PTPRC: variants seen among roughly 807,000 people sequenced by gnomAD.
The protein encoded by PTPRC is receptor-type tyrosine-protein phosphatase C.
PTPRC carries 44 observed loss-of-function variants against 155.9 expected under a neutral mutation model. The observed-to-expected ratio is 0.28, with a 90% confidence interval of 0.22 to 0.36. The LOEUF is 0.36. Ranked by LOEUF, PTPRC falls within the 10% of genes least tolerant of loss-of-function variation. The probability of loss-of-function intolerance (pLI) is 1.00; values close to 1 mark genes in which losing one functional copy is unlikely to be tolerated. For missense variants in PTPRC, 1,401 were observed against 1,564.6 expected, an observed-to-expected ratio of 0.90 and a Z score of 1.76; for synonymous variants, 525 against 533.1, an observed-to-expected ratio of 0.98 and a Z score of 0.21.
In PTPRC at chr1:198,684,970, A is replaced by G. The variant is rs140786096; in HGVS notation, c.74-7377A>G. Among the ~76,000 whole-genome samples the G allele has an allele frequency of 2.6e-5, 4 of 152,144 alleles. No individual in the cohort carries two copies. The East Asian group carries it at 7.7e-4, about 29-fold the overall frequency. ...AAAGGGATGTTGAAATTCTTTGGAC[A>G]TTGGTGGAGCTCATAAATTCATGTG... On this transcript the variant is annotated intron_variant, in intron 2 of 32. Transcript: ENST00000442510.
intron 20 of PTPRC, 96 bp downstream of exon 20, chr1:198,732,652 G>C: frequency 1.0e-6 from 1 of 1,004,200 alleles, no homozygotes; most frequent in Non-Finnish European, 1.5e-6. Context: ...AAAATATTTT[G>C]AAGTGAGCCC....
intron 2 of PTPRC, among the ~76,000 whole-genome samples, chr1:198,648,896 T>C (rs1663084385): frequency 6.6e-6 from 1 of 151,796 alleles, no homozygotes; most frequent in Non-Finnish European, 1.5e-5. Flanking sequence ...AAACATTAAA[T>C]AATTCACCAA....
At chr1:198,727,094 C>T (rs1654173408) in intron 15 of PTPRC, among the ~76,000 whole-genome samples, 2 of 152,052 alleles carry the variant, frequency 1.3e-5, no homozygotes, top group African/African-American at 4.8e-5. Context: ...CTCCTGGCCT[C>T]AAGTGATCCA....
intron 2 of PTPRC, among the ~76,000 whole-genome samples, chr1:198,682,577 T>C (rs1289434299): frequency 6.6e-6 from 1 of 152,228 alleles, no homozygotes; most frequent in East Asian, 1.9e-4. Flanking sequence ...GTTTATTTTC[T>C]ATGGGGAGCT....
At position 198,734,383 on chromosome 1, in the gene PTPRC, C is replaced by T. The variant is rs1440515038; in HGVS notation, c.2235C>T (p.Ala745=). ...GGAGGATGATTTGGGAACAGAAAGC[C>T]ACAGTTATTGTCATGGTCACTCGAT... ...DFWRMIWEQK[A]TVIVMVTRCE... The change falls in exon 22 of 33, where the codon GCC becomes GCT. Residue 745 remains alanine, a synonymous_variant. Coordinates refer to ENST00000442510, the MANE Select transcript of PTPRC (RefSeq NM_002838.5). The T allele has an allele frequency of 6.2e-7, 1 of 1,610,932 alleles. No individual in the cohort carries two copies. The highest frequency in any genetic ancestry group is 1.3e-5 in the African/African-American group (1 of 74,624).
At chr1:198,716,901 T>A in intron 13 of PTPRC, 61 bp downstream of exon 13, 1 of 1,475,420 alleles carries the variant, frequency 6.8e-7, no homozygotes, top group Middle Eastern at 2.2e-4. Flanking sequence ...ATGAACTTTT[T>A]AGCCTACAAT....
At chr1:198,754,439 G>A (rs766014669) in intron 32 of PTPRC, 35 bp downstream of exon 32, 20 of 1,610,660 alleles carry the variant, frequency 1.2e-5, no homozygotes, top group Non-Finnish European at 1.4e-5. Context: ...TAACATGCTC[G>A]GAATTTTTTT....
chr1:198,699,129 GGTAGAT>G, intron 4 of PTPRC, among the ~76,000 whole-genome samples: 1 of 152,110 alleles, frequency 6.6e-6, no homozygotes. Flanking sequence ...CTGTATATTA[GGTAGAT>G]GTCTGTCACA....
At chr1:198,661,331 AAATC>A (rs1663949885) in intron 2 of PTPRC, among the ~76,000 whole-genome samples, 1 of 149,830 alleles carries the variant, frequency 6.7e-6, no homozygotes, top group Non-Finnish European at 1.5e-5. Flanking sequence ...AAATAATAAT[AAATC>A]AATATATTAA....
chr1:198,741,856 A>G lies in PTPRC; in HGVS notation c.2404-13A>G, dbSNP rs781530913. 269 of 1,609,722 alleles carry G rather than the reference A, an allele frequency of 1.7e-4. 1 individual carries two copies. Among genetic ancestry groups the G allele is most frequent in the Non-Finnish European group, 2.1e-4 (252 of 1,177,580 alleles). ...AAAAAATCATCTCAAAGAAAATATTATCTCTTGACTAGAAAAAAGAAAAAG... is the reference window on the plus strand; with the variant it reads ...AAAAAATCATCTCAAAGAAAATATTGTCTCTTGACTAGAAAAAAGAAAAAG... On this transcript the variant is annotated splice_polypyrimidine_tract_variant and intron_variant, in intron 23 of 32. Coordinates refer to ENST00000442510, the MANE Select transcript of PTPRC (RefSeq NM_002838.5).
At chr1:198,665,931 A>G (rs1462601105) in intron 2 of PTPRC, among the ~76,000 whole-genome samples, 1 of 152,280 alleles carries the variant, frequency 6.6e-6, no homozygotes, top group South Asian at 2.1e-4. Flanking sequence ...GTATATCTTT[A>G]CCAGCAAAGG....
chr1:198,695,159 G>A (rs1033840889), intron 3 of PTPRC: 3 of 886,854 alleles, frequency 3.4e-6, no homozygotes, highest in African/African-American at 3.6e-5. Context: ...AATAAAGCTG[G>A]GTTTTTTATT....
chr1:198,662,988 G>T (rs1256026459), intron 2 of PTPRC, among the ~76,000 whole-genome samples: 2 of 152,178 alleles, frequency 1.3e-5, no homozygotes, highest in Non-Finnish European at 2.9e-5. Flanking sequence ...AATTACGCCT[G>T]ACCCCTGGCC....
At position 198,699,691 on chromosome 1, in the gene PTPRC, C is replaced by G; in HGVS notation, c.426C>G (p.Ser142Arg). 1.2e-6 allele frequency: 2 copies of G among 1,614,200 alleles called. No homozygotes were observed. Among genetic ancestry groups the G allele is most frequent in the Non-Finnish European group, 1.7e-6 (2 of 1,180,038 alleles). ...ANAKLNPTPG[S>R]NAISDVPGER... ...CAAAACTCAACCCTACCCCAGGCAG[C>G]AATGCTATCTCAGGTTTGCGGGTCC... is the stretch of plus-strand genomic sequence containing the variant. Residue 142 changes from serine to arginine, a missense_variant, in exon 5 of 33, where the codon AGC (serine) becomes AGG (arginine). Physicochemically the swap from Ser to Arg is moderately radical, Grantham distance 110. This residue lies in a region of PTPRC where 867 missense variants were observed against 970.4 expected (regional missense o/e 0.89). Transcript: ENST00000442510.
intron 4 of PTPRC, among the ~76,000 whole-genome samples, chr1:198,698,813 A>C (rs2102390868): frequency 6.6e-6 from 1 of 152,182 alleles, no homozygotes; most frequent in South Asian, 2.1e-4. Context: ...AAGTATATAA[A>C]ATGTATACTT....
At chr1:198,693,400 A>C (rs1666032429) in intron 3 of PTPRC, among the ~76,000 whole-genome samples, 1 of 152,224 alleles carries the variant, frequency 6.6e-6, no homozygotes, top group Non-Finnish European at 1.5e-5. Context: ...CTCAAATGCA[A>C]CTTAGTATCT....
intron 2 of PTPRC, among the ~76,000 whole-genome samples, chr1:198,670,396 C>T (rs1199958194): frequency 1.3e-5 from 2 of 152,004 alleles, no homozygotes; most frequent in African/African-American, 4.8e-5. Context: ...TAAAACAAGA[C>T]ACCATTGATG....
rs1238431269 is a variant in PTPRC at position 198,728,454 on chromosome 1, A to G, written c.1829+6A>G. The G allele has an allele frequency of 6.2e-7, 1 of 1,611,436 alleles. No individual in the cohort carries two copies. Among genetic ancestry groups the G allele is most frequent in the East Asian group, 2.2e-5 (1 of 44,700 alleles). The stretch of plus-strand genomic sequence containing the variant: ...CTACATAAGAAAAGATCCTGGTAAG[A>G]GTTGATTTTAAATTTTTAAATAATA... On this transcript the variant is annotated splice_donor_region_variant and intron_variant, in intron 16 of 32. Transcript: ENST00000442510.
At chr1:198,723,930 AG>A (rs1185561867) in intron 15 of PTPRC, among the ~76,000 whole-genome samples, 2 of 152,226 alleles carry the variant, frequency 1.3e-5, no homozygotes, top group Non-Finnish European at 2.9e-5. Context: ...ACATGCCAAC[AG>A]GGGTGTGCTC....
Sources: gnomAD v4.1 joint callset for allele counts (sites outside exome capture counted in the v4.1 genomes callset) on GRCh38, gnomAD v4.1.1 for gene constraint, gnomAD v4.1.1 regional missense constraint, MANE v1.5 for transcripts, NCBI Gene and HGNC (gene_info 2026-07-23, HGNC 2026-07-21) for gene names.